The following CFAP54 variants were observed in gnomAD, a reference collection of about 807,000 sequenced individuals.
The protein encoded by CFAP54 is cilia- and flagella-associated protein 54.
A neutral mutation model predicts 370.4 loss-of-function variants in CFAP54; 290 were observed. That is an observed-to-expected ratio of 0.78 (90% CI 0.71 to 0.86). The LOEUF is 0.86. Among genes scored for constraint, CFAP54 ranks in the 40% least tolerant of loss-of-function variants. CFAP54 has a pLI of 0.00. For missense variants in CFAP54, 3,399 were observed against 3,528.7 expected, an observed-to-expected ratio of 0.96 and a Z score of 0.93; for synonymous variants, 1,206 against 1,236.5, an observed-to-expected ratio of 0.98 and a Z score of 0.52.
chr12:96,826,859 T>A (rs1392633109), intron 65 of CFAP54, among the ~76,000 whole-genome samples: 1 of 117,778 alleles, frequency 8.5e-6, no homozygotes. Context: ...TATAATATAT[T>A]ATATAATATT....
chr12:96,743,891 A>G lies in CFAP54; in HGVS notation c.7538A>G (p.His2513Arg). 1.2e-6 allele frequency: 2 copies of G among 1,613,120 alleles called. No individual in the cohort carries two copies. Among genetic ancestry groups the G allele is most frequent in the South Asian group, 1.1e-5 (1 of 90,878 alleles). The change falls in exon 54 of 68, where the codon CAT becomes CGT. Residue 2513 changes from histidine to arginine, a missense_variant. By Grantham distance (29) the His-to-Arg change is conservative (BLOSUM62 0). Around this residue, in one of 3 missense-constraint regions of CFAP54, gnomAD observed 2,796 missense variants for 2,869.7 expected, o/e 0.97. Transcript: ENST00000524981. ...TGKLNLLTRA[H>R]SILTEQMLAF... ...AAATTAAATTTGTTAACTCGGGCTC[A>G]TAGCATTCTAACTGAACAGGTGAGA... is the stretch of plus-strand genomic sequence containing the variant.
Position 96,647,986 on chromosome 12 carries a change from A to C in CFAP54, c.4659A>C (p.Thr1553=). Residue 1553 remains threonine, a synonymous_variant, in exon 34 of 68, where the codon ACA becomes ACC. Coordinates refer to ENST00000524981, the MANE Select transcript of CFAP54 (RefSeq NM_001306084.2). Reference sequence around the variant, plus strand: ...AAGCAATGCTTGATTTCCTTCTTACAGCCAAAAAAAGAAAGGCCAACTTAC... The same window carrying C: ...AAGCAATGCTTGATTTCCTTCTTACCGCCAAAAAAAGAAAGGCCAACTTAC... ...NYKAMLDFLL[T]AKKRKANLPS... The C allele has an allele frequency of 6.6e-7, 1 of 1,511,426 alleles. No individual in the cohort carries two copies. Among genetic ancestry groups the C allele is most frequent in the Non-Finnish European group, 8.8e-7 (1 of 1,140,688 alleles). The allele number at this position is 1,511,426 out of a possible 1,614,324, so 93.6% of individuals were successfully genotyped here.
chr12:96,538,541 C>G, intron 13 of CFAP54, 23 bp downstream of exon 13: 1 of 1,529,882 alleles, frequency 6.5e-7, no homozygotes, highest in Non-Finnish European at 8.7e-7. Flanking sequence ...CATTCCCTTT[C>G]ACGTGTTTTT....
At chr12:96,744,294 C>T (rs1958087095) in intron 55 of CFAP54, 148 bp downstream of exon 55, 2 of 710,530 alleles carry the variant, frequency 2.8e-6, no homozygotes, top group Admixed American at 3.1e-5. Context: ...TTTTTGATCA[C>T]TTATCATATG....
chr12:96,648,104 A>G, intron 34 of CFAP54, 87 bp downstream of exon 34: 1 of 926,590 alleles, frequency 1.1e-6, no homozygotes, highest in South Asian at 3.1e-5. Flanking sequence ...TTGTGGACAC[A>G]CAAATGTATA....
intron 62 of CFAP54, among the ~76,000 whole-genome samples, chr12:96,789,714 C>T (rs1958667309): frequency 6.6e-6 from 1 of 152,104 alleles, no homozygotes. Context: ...TTTCTAATGG[C>T]AACAGTGTTA....
intron 4 of CFAP54, among the ~76,000 whole-genome samples, chr12:96,512,302 TA>T (rs1272173558): frequency 0.051 from 127 of 2,506 alleles, 3 homozygotes; most frequent in African/African-American, 0.15. Flanking sequence ...GAACCAATTT[TA>T]TATATATATA....
At chr12:96,490,060 A>G (rs1162982771) in intron 1 of CFAP54, 134 bp downstream of exon 1, 7 of 777,880 alleles carry the variant, frequency 9.0e-6, no homozygotes, top group African/African-American at 1.7e-5. Flanking sequence ...GGCCCAGGAG[A>G]GACAAAGTTT....
intron 32 of CFAP54, among the ~76,000 whole-genome samples, chr12:96,643,252 A>G (rs1442192010): frequency 6.6e-6 from 1 of 152,248 alleles, no homozygotes; most frequent in Non-Finnish European, 1.5e-5. Flanking sequence ...CAATAAACTA[A>G]AACATATTTA....
At chr12:96,767,178 G>A (rs950393663) in intron 60 of CFAP54, among the ~76,000 whole-genome samples, 4 of 152,184 alleles carry the variant, frequency 2.6e-5, no homozygotes, top group African/African-American at 9.7e-5. Flanking sequence ...AGAGAGGCAT[G>A]GATGTTTGCT....
rs77970016 is a variant in CFAP54, at chr12:96,606,588, G to A, written c.3639+7821G>A. 8.4e-3 allele frequency among the ~76,000 whole-genome samples: 1,283 copies of A among 152,314 alleles called. 51 individuals carry two copies. The East Asian group carries it at 0.092, about 11-fold the overall frequency. Reference sequence around the variant, plus strand: ...GCTATTTGTTTTAAGGTAAAGAGATGAGGAATTCTGAATAGACAGCAGCTT... The same window carrying A: ...GCTATTTGTTTTAAGGTAAAGAGATAAGGAATTCTGAATAGACAGCAGCTT... On this transcript the variant is annotated intron_variant, in intron 26 of 67. Coordinates refer to ENST00000524981, the MANE Select transcript of CFAP54 (RefSeq NM_001306084.2).
intron 22 of CFAP54, among the ~76,000 whole-genome samples, chr12:96,582,814 A>T (rs1306560593): frequency 6.6e-6 from 1 of 152,160 alleles, no homozygotes; most frequent in Non-Finnish European, 1.5e-5. Flanking sequence ...TAGTTTATTT[A>T]TGATGGTTTA....
intron 67 of CFAP54, among the ~76,000 whole-genome samples, chr12:96,864,870 A>G (rs1416255408): frequency 6.6e-6 from 1 of 152,188 alleles, no homozygotes; most frequent in Non-Finnish European, 1.5e-5. Flanking sequence ...CATGGAACTT[A>G]TAGGATGCCC....
At chr12:96,490,794 C>T (rs1190757742) in intron 1 of CFAP54, among the ~76,000 whole-genome samples, 1 of 151,684 alleles carries the variant, frequency 6.6e-6, no homozygotes, top group Non-Finnish European at 1.5e-5. Flanking sequence ...GTTCAAGGAA[C>T]TAGGAAAACA....
intron 1 of CFAP54, among the ~76,000 whole-genome samples, chr12:96,499,966 A>G (rs1022428135): frequency 3.3e-5 from 5 of 151,428 alleles, no homozygotes; most frequent in African/African-American, 9.8e-5. Flanking sequence ...ACAAAACAAA[A>G]CAAAACAAAA....
chr12:96,831,673 G>T (rs1393656991), intron 66 of CFAP54, among the ~76,000 whole-genome samples: 2 of 152,132 alleles, frequency 1.3e-5, no homozygotes, highest in Non-Finnish European at 2.9e-5. Context: ...ATATTATACT[G>T]TATTTTTCCC....
rs191086824 is a variant in CFAP54, at chr12:96,554,277, T to C, written c.2250T>C (p.Asn750=). 6.5e-7 allele frequency: 1 copy of C among 1,529,170 alleles called. No homozygotes were observed. The highest frequency in any genetic ancestry group is 1.4e-5 in the African/African-American group (1 of 72,874). 94.7% of individuals were successfully genotyped at this position (1,529,170 alleles called of 1,614,324 possible). A position where few individuals can be genotyped will look rare whatever the true frequency, so the allele number is the denominator to read the frequency against. The change falls in exon 16 of 68, where the codon AAT becomes AAC. Residue 750 remains asparagine, a synonymous_variant. Transcript: ENST00000524981. The part of the protein sequence containing the change: ...NLNCMLTSLP[N]GSSVIDHCYA... ...ATTGCATGTTAACCTCTTTGCCAAA[T>C]GGATCATCAGTAATTGACCACTGCT...
intron 26 of CFAP54, among the ~76,000 whole-genome samples, chr12:96,599,502 C>T (rs767872895): frequency 8.6e-5 from 13 of 151,956 alleles, no homozygotes; most frequent in African/African-American, 3.1e-4. Context: ...AGAATGATTT[C>T]GAATCCTTTG....
intron 66 of CFAP54, 102 bp from the exon 67 acceptor site, chr12:96,860,717 C>A: frequency 8.3e-7 from 1 of 1,208,394 alleles, no homozygotes; most frequent in Non-Finnish European, 1.1e-6. Flanking sequence ...AGTTAGCTAT[C>A]TTTCATATAA....
Sources: allele counts gnomAD v4.1 joint callset (sites outside exome capture counted in the v4.1 genomes callset), GRCh38; gene constraint gnomAD v4.1.1; regional missense constraint gnomAD v4.1.1; transcripts MANE v1.5; gene names NCBI Gene and HGNC (gene_info 2026-07-23, HGNC 2026-07-21).